The following NELFA variants were observed in gnomAD, a reference collection of about 807,000 sequenced individuals.
NELFA encodes the protein negative elongation factor A.
Under a neutral mutation model 51.8 loss-of-function variants are expected in NELFA, and 35 were observed. That is an observed-to-expected ratio of 0.68 (90% confidence interval 0.52 to 0.90). The LOEUF (loss-of-function observed/expected upper bound fraction) is 0.90, where lower values mean the gene tolerates loss of function less well. Ranked by LOEUF, NELFA falls within the 40% of genes least tolerant of loss-of-function variation. The pLI is 0.00. For synonymous variants in NELFA, 417 were observed against 338.4 expected (o/e 1.23, Z -2.55); for missense variants, 658 against 746.4 (o/e 0.88, Z 1.38).
In NELFA at chr4:1,991,729, T is replaced by A. The variant is rs1308445837; in HGVS notation, c.211-14A>T. 1 of 1,574,454 alleles carries A rather than the reference T, an allele frequency of 6.4e-7. No homozygotes were observed. Among genetic ancestry groups the A allele is most frequent in the Non-Finnish European group, 8.6e-7 (1 of 1,161,318 alleles). ...GGCGCCCTTCATCTGCAAAATAGGA[T>A]GCTGCCGGCGCCACCATGCCCCTGC... On this transcript the variant is annotated splice_polypyrimidine_tract_variant and intron_variant, in intron 1 of 10. Transcript: ENST00000382882.
rs1728787080 is a variant in NELFA, at chr4:2,008,856, G to A, written c.104C>T (p.Ala35Val). 6.2e-7 allele frequency: 1 copy of A among 1,605,570 alleles called. No homozygotes were observed. Among genetic ancestry groups the A allele is most frequent in the South Asian group, 1.1e-5 (1 of 89,254 alleles). ...APPSIASLLT[A>V]AVIDNIRLCF... is the part of the protein sequence containing the mutation. ...GAGACGGATGTTGTCGATGACCGCGGCCGTGAGCAGGGACGCGATGCTGGG... is the reference window on the plus strand; with the variant it reads ...GAGACGGATGTTGTCGATGACCGCGACCGTGAGCAGGGACGCGATGCTGGG... The change falls in exon 1 of 11, where the codon GCC (alanine) becomes GTC (valine). Residue 35 changes from alanine to valine, a missense_variant. Coordinates refer to ENST00000382882, the MANE Select transcript of NELFA (RefSeq NM_005663.5).
At chr4:1,983,760 A>G in intron 9 of NELFA, 65 bp from the exon 10 acceptor site, 1 of 1,601,682 alleles carries the variant, frequency 6.2e-7, no homozygotes, top group Non-Finnish European at 8.5e-7. Context: ...ATCCCCCTGC[A>G]GGCACCGTGG....
chr4:2,005,851 T>A (rs551548224), intron 1 of NELFA, among the ~76,000 whole-genome samples: 5 of 151,854 alleles, frequency 3.3e-5, no homozygotes, highest in Non-Finnish European at 7.4e-5. Flanking sequence ...CCTACAGAGA[T>A]CACAAAGAAC....
intron 1 of NELFA, among the ~76,000 whole-genome samples, chr4:2,001,685 C>G (rs887053559): frequency 1.3e-5 from 2 of 151,686 alleles, no homozygotes; most frequent in Non-Finnish European, 2.9e-5. Flanking sequence ...GGCAGATTAC[C>G]TGAGGTCAGG....
At chr4:1,999,170 A>C (rs1728507025) in intron 1 of NELFA, among the ~76,000 whole-genome samples, 1 of 151,406 alleles carries the variant, frequency 6.6e-6, no homozygotes. Context: ...GGAAAGAAAA[A>C]CCAGTACGAG....
At position 1,982,995 on chromosome 4, in the gene NELFA, A is replaced by ATCT; in HGVS notation, c.*323_*324insAGA. 5.0e-6 allele frequency: 1 copy of ATCT among 201,168 alleles called. No individual in the cohort carries two copies. Among genetic ancestry groups the ATCT allele is most frequent in the Non-Finnish European group, 9.8e-6 (1 of 102,448 alleles). 12.5% of individuals were successfully genotyped at this position (201,168 alleles called of 1,614,324 possible). A position where few individuals can be genotyped will look rare whatever the true frequency, so the allele number is the denominator to read the frequency against. On this transcript the variant is annotated 3_prime_UTR_variant, in exon 11 of 11. Transcript: ENST00000382882. Reference sequence around the variant, plus strand: ...AGGGAAAATAGAAAAGATTTTAAAAAGTAAGAGTCTAACAGGCAGAGCTGT... The same window carrying ATCT: ...AGGGAAAATAGAAAAGATTTTAAAAATCTGTAAGAGTCTAACAGGCAGAGCTGT...
At position 1,983,892 on chromosome 4, in the gene NELFA, G is replaced by T; in HGVS notation, c.1258C>A (p.Gln420Lys). The T allele has an allele frequency of 6.3e-7, 1 of 1,597,738 alleles. No individual in the cohort carries two copies. ...PPVAMVAPQT[Q>K]APAQQQPKKN... ...TTAGGCTGCTGCTGAGCAGGGGCCT[G>T]GGTCTGCGGGGCCACCATGGCAACC... Residue 420 changes from glutamine to lysine, a missense_variant, in exon 9 of 11, where the codon CAG (glutamine) becomes AAG (lysine). Around this residue, in one of 3 missense-constraint regions of NELFA, gnomAD observed 200 missense variants for 167.9 expected, o/e 1.19. Transcript: ENST00000382882.
At chr4:1,994,423 G>A (rs1728366608) in intron 1 of NELFA, among the ~76,000 whole-genome samples, 1 of 152,112 alleles carries the variant, frequency 6.6e-6, no homozygotes, top group Non-Finnish European at 1.5e-5. Flanking sequence ...AAATTAGCCA[G>A]GCATGGTGGT....
In NELFA at chr4:1,986,354, G is replaced by A. The variant is rs1237156456; in HGVS notation, c.683C>T (p.Ala228Val). 3.7e-6 allele frequency: 6 copies of A among 1,607,138 alleles called. No homozygotes were observed. Among genetic ancestry groups the A allele is most frequent in the East Asian group, 2.2e-5 (1 of 44,586 alleles). Residue 228 changes from alanine (A) to valine (V), a missense_variant, in exon 5 of 11, where the codon GCG becomes GTG. Physicochemically the swap from Ala to Val is moderately conservative, Grantham distance 64 (BLOSUM62 0). This residue lies in a region of NELFA where 371 missense variants were observed against 448.3 expected (regional missense o/e 0.83). Transcript: ENST00000382882. The stretch of plus-strand genomic sequence containing the variant: ...CCCTGTGGGGCTGAAGACGCTGGGC[G>A]CCGTGGGGCTTCTGAAGGGCGCCTG... ...PKQAPFRSPTAPSVFSPTGNR... is the reference protein window; with the variant it reads ...PKQAPFRSPTVPSVFSPTGNR...
rs768452991 is a variant in NELFA at position 1,985,780 on chromosome 4, G to A, written c.920C>T (p.Thr307Met). The A allele has an allele frequency of 3.4e-5, 55 of 1,612,670 alleles. 1 individual carries two copies. The highest frequency in any genetic ancestry group is 1.6e-4 in the Middle Eastern group (1 of 6,080). The change falls in exon 7 of 11, where the codon ACG (threonine) becomes ATG (methionine). Residue 307 changes from threonine (T) to methionine (M), a missense_variant. Transcript: ENST00000382882. The stretch of plus-strand genomic sequence containing the variant: ...GGGTGCAGCCCCGAGCCCTACCTGC[G>A]TGGACACCAGGCCGGCTGCGTAGTC... ...TPDYAAGLVS[T>M]QKLGSLNNEP... is the part of the protein sequence containing the mutation.
rs572389332 is a variant in NELFA at position 2,003,541 on chromosome 4, C to T, written c.210+5209G>A. ...GATACATATACACCATGGAATACTA[C>T]GCAGCCATAAAAAGGAATGAGATCC... On this transcript the variant is annotated intron_variant, in intron 1 of 10. Coordinates refer to ENST00000382882, the MANE Select transcript of NELFA (RefSeq NM_005663.5). Among the ~76,000 whole-genome samples, 20 of 152,266 alleles carry T rather than the reference C, an allele frequency of 1.3e-4. 2 individuals carry two copies. The East Asian group carries it at 1.5e-3, about 12-fold the overall frequency.
At chr4:1,994,266 T>TA (rs562885992) in intron 1 of NELFA, among the ~76,000 whole-genome samples, 23 of 151,714 alleles carry the variant, frequency 1.5e-4, no homozygotes, top group African/African-American at 4.8e-4. Flanking sequence ...TTTCATTTCT[T>TA]AAAAAAATTA....
intron 7 of NELFA, 140 bp from the exon 8 acceptor site, chr4:1,985,059 G>A (rs1056016742): frequency 1.5e-5 from 9 of 619,270 alleles, no homozygotes; most frequent in Middle Eastern, 7.5e-4. Flanking sequence ...ACTCTCCCGA[G>A]CTCCCTGGGC....
chr4:2,005,413 T>G (rs1728685007), intron 1 of NELFA, among the ~76,000 whole-genome samples: 1 of 152,092 alleles, frequency 6.6e-6, no homozygotes, highest in African/African-American at 2.4e-5. Flanking sequence ...TAGCAAAACT[T>G]TAGCACAGAT....
intron 2 of NELFA, 181 bp from the exon 3 acceptor site, chr4:1,990,050 T>C (rs1728227251): frequency 1.5e-6 from 1 of 659,634 alleles, no homozygotes; most frequent in South Asian, 2.0e-5. Flanking sequence ...CCCAGGAGCA[T>C]TTGCAGAACA....
chr4:1,985,961 C>A, intron 6 of NELFA, 97 bp from the exon 7 acceptor site: 1 of 1,344,340 alleles, frequency 7.4e-7, no homozygotes, highest in Non-Finnish European at 1.0e-6. Context: ...CAGGGGAGGC[C>A]ACCAAGGAGC....
At chr4:1,987,864 G>T in intron 4 of NELFA, 54 bp downstream of exon 4, 1 of 1,452,298 alleles carries the variant, frequency 6.9e-7, no homozygotes, top group Non-Finnish European at 9.4e-7. Flanking sequence ...TCCAGGTGAA[G>T]CCCTTAGCTC....
chr4:2,002,595 T>C (rs972428058), intron 1 of NELFA, among the ~76,000 whole-genome samples: 3 of 152,206 alleles, frequency 2.0e-5, no homozygotes, highest in Non-Finnish European at 2.9e-5. Context: ...TACCAGCATC[T>C]GATCTTTGAC....
At position 1,982,787 on chromosome 4, in the gene NELFA, A is replaced by ACTGTCTGT. The variant is rs16341; in HGVS notation, c.*531_*532insACAGACAG. ...TTACAATGAAAATAGGTACCCAAAG[A>ACTGTCTGT]CTGTCTTAAATGTCCACAACTATAC... On this transcript the variant is annotated 3_prime_UTR_variant, in exon 11 of 11. Transcript: ENST00000382882. 6.6e-6 allele frequency: 1 copy of ACTGTCTGT among 152,562 alleles called. No homozygotes were observed. The highest frequency in any genetic ancestry group is 6.5e-5 in the Admixed American group (1 of 15,276). 9.5% of individuals were successfully genotyped at this position (152,562 alleles called of 1,614,324 possible).
Sources: gnomAD v4.1 joint callset for allele counts (sites outside exome capture counted in the v4.1 genomes callset) on GRCh38, gnomAD v4.1.1 for gene constraint, gnomAD v4.1.1 regional missense constraint, MANE v1.5 for transcripts, NCBI Gene and HGNC (gene_info 2026-07-23, HGNC 2026-07-21) for gene names.